FMO3: variants seen among roughly 807,000 people sequenced by gnomAD.
FMO3 encodes flavin containing dimethylaniline monoxygenase 3.
FMO3 carries 40 observed loss-of-function variants against 39.4 expected under a neutral mutation model. That is an observed-to-expected ratio of 1.02 (90% CI 0.79 to 1.32). The LOEUF is 1.32. Among genes scored for constraint, FMO3 ranks in the 40% most tolerant of loss-of-function variants. The pLI, the probability that FMO3 is intolerant of heterozygous loss-of-function variation, is 0.00. For synonymous variants in FMO3, 219 were observed against 228.8 expected (o/e 0.96, Z 0.39); for missense variants, 680 against 651.8 (o/e 1.04, Z -0.47).
At chr1:171,095,654 T>A (rs967649799) in intron 2 of FMO3, among the ~76,000 whole-genome samples, 2 of 148,642 alleles carry the variant, frequency 1.3e-5, no homozygotes, top group Non-Finnish European at 3.0e-5. Context: ...TCATTCTTAT[T>A]AATATAGATA....
rs1310502137 is a variant in FMO3 at position 171,117,359 on chromosome 1, C to G, written c.1516C>G (p.Gln506Glu). Residue 506 changes from glutamine (Q) to glutamate (E), a missense_variant, in exon 9 of 9, where the codon CAG becomes GAG. Physicochemically the swap from Gln to Glu is conservative, Grantham distance 29 (BLOSUM62 2). Transcript: ENST00000367755. The stretch of plus-strand genomic sequence containing the variant: ...GCAGACACGAGTGGTCGGGAGACTT[C>G]AGAAGCCTTGCTTCTTTTTCCATTG... ...PMQTRVVGRLQKPCFFFHWLK... is the reference protein window; with the variant it reads ...PMQTRVVGRLEKPCFFFHWLK... 4 of 1,612,786 alleles carry G rather than the reference C, an allele frequency of 2.5e-6. No homozygotes were observed. In the Admixed American group the frequency reaches 6.7e-5, roughly 27 times the overall value.
Sources: gnomAD v4.1 joint callset for allele counts (sites outside exome capture counted in the v4.1 genomes callset) on GRCh38, gnomAD v4.1.1 for gene constraint, MANE v1.5 for transcripts, NCBI Gene and HGNC (gene_info 2026-07-23, HGNC 2026-07-21) for gene names.